Variants in CALHM4 observed in about 807,000 individuals in gnomAD.
CALHM4 encodes calcium homeostasis modulator family member 4, also known as calcium homeostasis modulator protein 4.
A neutral mutation model predicts 13.3 loss-of-function variants in CALHM4; 16 were observed. That is an observed-to-expected ratio of 1.20 (90% CI 0.81 to 1.82). The LOEUF (loss-of-function observed/expected upper bound fraction) is 1.82. Among genes scored for constraint, CALHM4 ranks in the 40% most tolerant of loss-of-function variants. The pLI, the probability that CALHM4 is intolerant of heterozygous loss-of-function variation, is 0.00. For missense variants in CALHM4, 344 were observed against 374.9 expected (o/e 0.92, Z 0.68); for synonymous variants, 127 against 137.1 (o/e 0.93, Z 0.52).
chr6:116,556,260 C>G (rs1774311638), intron 1 of CALHM4, among the ~76,000 whole-genome samples: 1 of 152,190 alleles, frequency 6.6e-6, no homozygotes, highest in Admixed American at 6.5e-5. Flanking sequence ...TTACTCATAT[C>G]AAAAACTATC....
chr6:116,545,173 A>G (rs1284940915), intron 2 of CALHM4, among the ~76,000 whole-genome samples: 1 of 151,632 alleles, frequency 6.6e-6, no homozygotes, highest in Non-Finnish European at 1.5e-5. Context: ...TTCCTGAAGT[A>G]TGAAATAGAA....
upstream of CALHM4, among the ~76,000 whole-genome samples, chr6:116,549,869 G>A (rs371696424): frequency 2.7e-5 from 4 of 150,168 alleles, no homozygotes; most frequent in East Asian, 5.9e-4. Context: ...CCAACTACTC[G>A]GTAGGCTGAG....
intron 1 of CALHM4, chr6:116,543,747 T>A (rs1267020981): frequency 1.6e-5 from 21 of 1,293,838 alleles, no homozygotes; most frequent in Middle Eastern, 1.8e-4. Context: ...CTAAAATATA[T>A]GCCATCCATG....
At chr6:116,552,754 T>G (rs779804232), upstream of CALHM4, among the ~76,000 whole-genome samples, 14 of 152,184 alleles carry the variant, frequency 9.2e-5, no homozygotes, top group Non-Finnish European at 1.6e-4. Flanking sequence ...ATCTTACTTT[T>G]TGTTTATAGA....
At chr6:116,542,665 A>C (rs751375532) in intron 1 of CALHM4, among the ~76,000 whole-genome samples, 1 of 152,140 alleles carries the variant, frequency 6.6e-6, no homozygotes, top group African/African-American at 2.4e-5. Flanking sequence ...GAATTTGTGC[A>C]GGAGGAATCT....
chr6:116,534,506 C>G (rs1226502653), intron 1 of CALHM4, among the ~76,000 whole-genome samples: 1 of 152,140 alleles, frequency 6.6e-6, no homozygotes, highest in Non-Finnish European at 1.5e-5. Flanking sequence ...TCTGTGTACA[C>G]TCAACTCTAA....
chr6:116,554,091 G>T lies in CALHM4; in HGVS notation c.298G>T (p.Ala100Ser), dbSNP rs1191927476. 6.4e-7 allele frequency: 1 copy of T among 1,550,580 alleles called. No individual in the cohort carries two copies. The highest frequency in any genetic ancestry group is 1.2e-5 in the South Asian group (1 of 84,060). ...AATCAGCCCCCTAGAGTGCAAGCTG[G>T]CTTGCCTTAGGTTCTTCAGCATCAC... is the stretch of plus-strand genomic sequence containing the variant. ...RRISPLECKLACLRFFSITGR... is the reference protein window; with the variant it reads ...RRISPLECKLSCLRFFSITGR... Residue 100 changes from alanine to serine, a missense_variant, in exon 1 of 2, where the codon GCT (alanine) becomes TCT (serine). Physicochemically the swap from Ala to Ser is moderately conservative, Grantham distance 99. Transcript: ENST00000368596.
At chr6:116,543,505 T>C (rs945295435) in intron 1 of CALHM4, 5 of 947,844 alleles carry the variant, frequency 5.3e-6, no homozygotes, top group Non-Finnish European at 7.8e-6. Context: ...AGAAGTCACC[T>C]GTACATTTTT....
At chr6:116,548,716 G>A (rs918482921) in intron 2 of CALHM4, among the ~76,000 whole-genome samples, 3 of 152,152 alleles carry the variant, frequency 2.0e-5, no homozygotes, top group African/African-American at 7.2e-5. Context: ...TATACCTCAT[G>A]TACCGAGCAG....
chr6:116,552,644 T>C (rs551540320), upstream of CALHM4, among the ~76,000 whole-genome samples: 6 of 152,344 alleles, frequency 3.9e-5, no homozygotes, highest in South Asian at 4.1e-4. Flanking sequence ...AGAAAATGTA[T>C]ATCATATTCA....
At chr6:116,540,780 G>T (rs1773400913) in intron 1 of CALHM4, among the ~76,000 whole-genome samples, 1 of 152,034 alleles carries the variant, frequency 6.6e-6, no homozygotes, top group South Asian at 2.1e-4. Flanking sequence ...TTTCTCAGTG[G>T]CAGCTAATTT....
At chr6:116,530,026 G>A (rs1772601133) in intron 1 of CALHM4, among the ~76,000 whole-genome samples, 1 of 152,300 alleles carries the variant, frequency 6.6e-6, no homozygotes, top group South Asian at 2.1e-4. Context: ...TATGATGGCA[G>A]CAAAATTCAA....
chr6:116,551,134 C>T (rs971543616), upstream of CALHM4, among the ~76,000 whole-genome samples: 2 of 152,224 alleles, frequency 1.3e-5, no homozygotes, highest in Non-Finnish European at 2.9e-5. Flanking sequence ...CTGCTTCCTT[C>T]TGTCCCCTGA....
At position 116,559,668 on chromosome 6, in the gene CALHM4, T is replaced by G. The variant is rs556205970; in HGVS notation, c.*1457T>G. 1.3e-5 allele frequency among the ~76,000 whole-genome samples: 2 copies of G among 152,310 alleles called. No homozygotes were observed. The highest frequency in any genetic ancestry group is 4.1e-4 in the South Asian group (2 of 4,824). ...AGTCCATCTCTCTGGACCCTGGATT[T>G]TTTTCATCTATACAATAAAAGGGAT... On this transcript the variant is annotated 3_prime_UTR_variant, in exon 2 of 2. Transcript: ENST00000368596.
chr6:116,529,111 CT>C (rs1772542216), exon 1 of CALHM4: 2 of 152,390 alleles, frequency 1.3e-5, no homozygotes. Flanking sequence ...AACCTGTGTT[CT>C]CCACATTTGT....
chr6:116,534,188 T>C (rs1772929178), intron 1 of CALHM4, among the ~76,000 whole-genome samples: 1 of 152,142 alleles, frequency 6.6e-6, no homozygotes, highest in Admixed American at 6.5e-5. Flanking sequence ...CATTTTGAAA[T>C]GATTGTGTGA....
chr6:116,541,077 G>T (rs1180741608), intron 1 of CALHM4, among the ~76,000 whole-genome samples: 1 of 152,006 alleles, frequency 6.6e-6, no homozygotes, highest in African/African-American at 2.4e-5. Flanking sequence ...TTGGGGGAAG[G>T]TATTGTATTA....
At chr6:116,544,713 G>A (rs1047779584) in intron 2 of CALHM4, among the ~76,000 whole-genome samples, 11 of 152,086 alleles carry the variant, frequency 7.2e-5, no homozygotes, top group African/African-American at 2.7e-4. Flanking sequence ...AATAAATCAA[G>A]ATCCCAGAAG....
intron 1 of CALHM4, among the ~76,000 whole-genome samples, chr6:116,529,368 A>C (rs188299013): frequency 1.3e-5 from 2 of 152,028 alleles, no homozygotes; most frequent in South Asian, 2.1e-4. Flanking sequence ...GATATTAAAA[A>C]ATTTTAGAAT....
Sources: gnomAD v4.1 joint callset for allele counts (sites outside exome capture counted in the v4.1 genomes callset) on GRCh38, gnomAD v4.1.1 for gene constraint, MANE v1.5 for transcripts, NCBI Gene and HGNC (gene_info 2026-07-23, HGNC 2026-07-21) for gene names.